ARHGAP40: variants seen among roughly 807,000 people sequenced by gnomAD.
The protein encoded by ARHGAP40 is rho GTPase-activating protein 40.
Under a neutral mutation model 73.5 loss-of-function variants are expected in ARHGAP40, and 43 were observed. The observed-to-expected ratio is 0.58, with a 90% CI of 0.46 to 0.75. The LOEUF (loss-of-function observed/expected upper bound fraction) is 0.75. Among genes scored for constraint, ARHGAP40 ranks in the 30% least tolerant of loss-of-function variants. The pLI, the probability that ARHGAP40 is intolerant of heterozygous loss-of-function variation, is 0.00. For synonymous variants in ARHGAP40, 300 were observed against 352.8 expected (o/e 0.85, Z 1.68); for missense variants, 734 against 861.8 (o/e 0.85, Z 1.86).
At chr20:38,614,987 T>C in intron 1 of ARHGAP40, 1 of 1,229,182 alleles carries the variant, frequency 8.1e-7, no homozygotes, top group Non-Finnish European at 1.2e-6. Flanking sequence ...TGAGCGCTTG[T>C]GTGAGGAAAG....
chr20:38,630,251 A>C (rs1601143533), intron 5 of ARHGAP40, among the ~76,000 whole-genome samples: 1 of 131,298 alleles, frequency 7.6e-6, no homozygotes, highest in Non-Finnish European at 1.5e-5. Flanking sequence ...ACAAGGTCTC[A>C]CTCTGTCACC....
At chr20:38,647,539 T>C (rs1043104014) in intron 13 of ARHGAP40, among the ~76,000 whole-genome samples, 1 of 150,570 alleles carries the variant, frequency 6.6e-6, no homozygotes, top group African/African-American at 2.4e-5. Context: ...TACATGCACC[T>C]GCCACCATGC....
intron 1 of ARHGAP40, among the ~76,000 whole-genome samples, chr20:38,613,326 T>A (rs1006374778): frequency 2.0e-5 from 3 of 152,000 alleles, no homozygotes; most frequent in Admixed American, 6.6e-5. Flanking sequence ...CCTCCCAGAG[T>A]GCTATGTGAG....
chr20:38,648,130 C>A (rs1003674338), intron 13 of ARHGAP40, among the ~76,000 whole-genome samples: 1 of 152,162 alleles, frequency 6.6e-6, no homozygotes, highest in African/African-American at 2.4e-5. Context: ...GATGGGAGCA[C>A]TAAGACTCAG....
At chr20:38,608,788 A>G (rs887115147) in intron 1 of ARHGAP40, among the ~76,000 whole-genome samples, 1 of 152,146 alleles carries the variant, frequency 6.6e-6, no homozygotes, top group African/African-American at 2.4e-5. Flanking sequence ...GAAGTCCAAA[A>G]TGGGTCTTAC....
intron 1 of ARHGAP40, among the ~76,000 whole-genome samples, chr20:38,610,670 C>T (rs1226141278): frequency 6.6e-6 from 1 of 152,154 alleles, no homozygotes; most frequent in Non-Finnish European, 1.5e-5. Flanking sequence ...CTTTAATTTG[C>T]AATTGGTTAG....
chr20:38,614,476 G>C (rs1476602994), intron 1 of ARHGAP40, among the ~76,000 whole-genome samples: 2 of 151,946 alleles, frequency 1.3e-5, no homozygotes, highest in Non-Finnish European at 2.9e-5. Context: ...ATCTCTATAG[G>C]AGCGTCTAAA....
At chr20:38,632,943 T>C (rs1008124548) in intron 5 of ARHGAP40, among the ~76,000 whole-genome samples, 5 of 152,052 alleles carry the variant, frequency 3.3e-5, no homozygotes, top group African/African-American at 1.2e-4. Flanking sequence ...GCCAACATGG[T>C]GAAACCCCAT....
intron 3 of ARHGAP40, among the ~76,000 whole-genome samples, chr20:38,627,514 GGTAT>G (rs2088907415): frequency 1.1e-5 from 1 of 88,944 alleles, no homozygotes; most frequent in Admixed American, 1.1e-4. Flanking sequence ...TCTGTGTGTT[GGTAT>G]GTGTGTTGGG....
intron 7 of ARHGAP40, among the ~76,000 whole-genome samples, chr20:38,638,153 C>A (rs1418104772): frequency 1.3e-4 from 19 of 144,622 alleles, no homozygotes; most frequent in African/African-American, 1.5e-4. Flanking sequence ...ACTAAAAATA[C>A]AAAAAAAAAA....
exon 15 of ARHGAP40, chr20:38,649,879 C>T: frequency 7.9e-7 from 1 of 1,272,164 alleles, no homozygotes; most frequent in Non-Finnish European, 1.0e-6. Context: ...AGCCTGGATG[C>T]CTCCTCCTCT....
At chr20:38,620,194 A>C (rs899814044) in intron 1 of ARHGAP40, among the ~76,000 whole-genome samples, 1 of 152,254 alleles carries the variant, frequency 6.6e-6, no homozygotes, top group African/African-American at 2.4e-5. Flanking sequence ...ACTTTTCTGC[A>C]TGCGCTATAC....
exon 2 of ARHGAP40, chr20:38,623,424 C>A: frequency 7.7e-7 from 1 of 1,290,974 alleles, no homozygotes; most frequent in Non-Finnish European, 1.0e-6. Flanking sequence ...CTACACCCTG[C>A]TGGCTCTGCT....
At chr20:38,643,529 A>C (rs1238659420) in intron 10 of ARHGAP40, among the ~76,000 whole-genome samples, 175 bp from the exon 11 acceptor site, 1 of 152,056 alleles carries the variant, frequency 6.6e-6, no homozygotes, top group Non-Finnish European at 1.5e-5. Context: ...ACGGAGACAC[A>C]GAGAGGTCAT....
At chr20:38,620,114 G>C (rs1476652122) in intron 1 of ARHGAP40, among the ~76,000 whole-genome samples, 1 of 152,236 alleles carries the variant, frequency 6.6e-6, no homozygotes, top group Non-Finnish European at 1.5e-5. Context: ...TGGGCATGTA[G>C]TAGGTATTCA....
chr20:38,628,450 G>A (rs1041354043), intron 3 of ARHGAP40, among the ~76,000 whole-genome samples: 1 of 151,984 alleles, frequency 6.6e-6, no homozygotes, highest in Non-Finnish European at 1.5e-5. Context: ...GACTACAGGC[G>A]CCCGCCACCA....
At chr20:38,640,131 T>TTTCTTC (rs1181162126) in intron 9 of ARHGAP40, among the ~76,000 whole-genome samples, 1 of 76,670 alleles carries the variant, frequency 1.3e-5, no homozygotes, top group African/African-American at 1.3e-4. Flanking sequence ...CTTCCTCTTC[T>TTTCTTC]TTCTTCTTCT....
At chr20:38,637,591 C>T in intron 6 of ARHGAP40, 117 bp from the exon 7 acceptor site, 1 of 744,944 alleles carries the variant, frequency 1.3e-6, no homozygotes, top group Non-Finnish European at 2.1e-6. Flanking sequence ...CTCTAGAGAG[C>T]TCAGTCCTTC....
intron 3 of ARHGAP40, 66 bp downstream of exon 3, chr20:38,627,281 G>C (rs1223240784): frequency 5.6e-6 from 7 of 1,261,246 alleles, no homozygotes; most frequent in Non-Finnish European, 7.3e-6. Flanking sequence ...GCCACAGCCT[G>C]AGAGATGCAG....
Sources: gnomAD v4.1 joint callset for allele counts (sites outside exome capture counted in the v4.1 genomes callset) on GRCh38, gnomAD v4.1.1 for gene constraint, MANE v1.5 for transcripts, NCBI Gene and HGNC (gene_info 2026-07-23, HGNC 2026-07-21) for gene names.